The following MAF variants were observed in gnomAD, a reference collection of about 807,000 sequenced individuals.
MAF encodes the protein MAF bZIP transcription factor.
MAF carries 10 observed loss-of-function variants against 22.0 expected under a neutral mutation model. The ratio of observed to expected loss-of-function variants is 0.45; its 90% confidence interval spans 0.28 to 0.77. The LOEUF (loss-of-function observed/expected upper bound fraction) is 0.77. Ranked by LOEUF, MAF falls within the 30% of genes least tolerant of loss-of-function variation. MAF has a pLI of 0.12. For synonymous variants in MAF, 337 were observed against 255.8 expected, an observed-to-expected ratio of 1.32 and a Z score of -3.03; for missense variants, 544 against 548.4, an observed-to-expected ratio of 0.99 and a Z score of 0.08.
the MAF span, among the ~76,000 whole-genome samples, chr16:79,416,341 C>G: frequency 2.0e-5 from 3 of 152,112 alleles, no homozygotes; most frequent in Admixed American, 6.5e-5. Flanking sequence ...GTGACAAGCT[C>G]CATGTCAACA....
At chr16:79,398,982 G>T in the MAF span, among the ~76,000 whole-genome samples, 1 of 152,284 alleles carries the variant, frequency 6.6e-6, no homozygotes, top group South Asian at 2.1e-4. Flanking sequence ...TGGACTGTGG[G>T]TTCCAAAGGG....
the MAF span, among the ~76,000 whole-genome samples, chr16:79,558,839 G>T: frequency 1.3e-5 from 2 of 152,126 alleles, no homozygotes; most frequent in Non-Finnish European, 2.9e-5. Flanking sequence ...TTATAATAGG[G>T]GCTCCTGATT....
At chr16:79,436,372 C>T in the MAF span, among the ~76,000 whole-genome samples, 4 of 152,160 alleles carry the variant, frequency 2.6e-5, no homozygotes, top group East Asian at 1.9e-4. Flanking sequence ...TGTGAGCCAC[C>T]GCGTCTGGCT....
chr16:79,364,522 T>A, the MAF span, among the ~76,000 whole-genome samples: 4 of 152,212 alleles, frequency 2.6e-5, no homozygotes, highest in African/African-American at 9.6e-5. Context: ...AGAGTTTGGT[T>A]TTTAATCCAC....
the MAF span, among the ~76,000 whole-genome samples, chr16:79,328,783 C>A: frequency 7.9e-5 from 12 of 152,192 alleles, no homozygotes; most frequent in African/African-American, 2.9e-4. Context: ...CTTTGAAGAA[C>A]TGGTCCTCTC....
chr16:79,288,684 C>A, the MAF span, among the ~76,000 whole-genome samples: 1 of 152,114 alleles, frequency 6.6e-6, no homozygotes, highest in East Asian at 1.9e-4. Context: ...ATTAGGTAAA[C>A]ATGAGGAAAG....
the MAF span, among the ~76,000 whole-genome samples, chr16:79,297,628 A>G: frequency 1.3e-5 from 2 of 152,318 alleles, no homozygotes; most frequent in East Asian, 3.9e-4. Flanking sequence ...ATGATACAGA[A>G]AAGTACTTAG....
the MAF span, among the ~76,000 whole-genome samples, chr16:79,566,545 T>G: frequency 2.6e-5 from 4 of 152,248 alleles, no homozygotes; most frequent in Non-Finnish European, 5.9e-5. Flanking sequence ...GGGTTGATCC[T>G]GGACATGCAT....
At chr16:79,543,788 G>A in the MAF span, among the ~76,000 whole-genome samples, 3 of 151,476 alleles carry the variant, frequency 2.0e-5, no homozygotes, top group South Asian at 2.1e-4. Context: ...CGGGGTTCAC[G>A]GCATTCTCCT....
chr16:79,446,806 T>C, the MAF span, among the ~76,000 whole-genome samples: 2 of 151,700 alleles, frequency 1.3e-5, no homozygotes, highest in Non-Finnish European at 2.9e-5. Context: ...CTACACAGGT[T>C]GCGAGTCAGG....
chr16:79,236,798 A>G, the MAF span, among the ~76,000 whole-genome samples: 4 of 151,972 alleles, frequency 2.6e-5, no homozygotes, highest in Non-Finnish European at 5.9e-5. Context: ...GGAGTTAAAG[A>G]AAAGTGCACG....
the MAF span, among the ~76,000 whole-genome samples, chr16:79,561,809 T>C: frequency 6.6e-6 from 1 of 152,118 alleles, no homozygotes; most frequent in Non-Finnish European, 1.5e-5. Context: ...GACGGTGTGT[T>C]TGGATGTTTG....
the MAF span, among the ~76,000 whole-genome samples, chr16:79,322,063 C>G: frequency 6.6e-6 from 1 of 152,240 alleles, no homozygotes; most frequent in South Asian, 2.1e-4. Context: ...GAAACGCCAT[C>G]TCTACTAAAA....
chr16:79,500,480 A>T, the MAF span, among the ~76,000 whole-genome samples: 8 of 152,232 alleles, frequency 5.3e-5, no homozygotes, highest in Non-Finnish European at 1.2e-4. Flanking sequence ...ATACCCCAGT[A>T]GTTGCTTGTC....
chr16:79,211,231 A>G, the MAF span, among the ~76,000 whole-genome samples: 1 of 152,156 alleles, frequency 6.6e-6, no homozygotes, highest in African/African-American at 2.4e-5. Flanking sequence ...ATCGAATTAC[A>G]TTATACATGG....
the MAF span, among the ~76,000 whole-genome samples, chr16:79,360,148 A>T: frequency 6.6e-6 from 1 of 152,140 alleles, no homozygotes; most frequent in Non-Finnish European, 1.5e-5. Flanking sequence ...TCTTGTCTCC[A>T]TTAGCCACCC....
At chr16:79,344,234 G>C in the MAF span, among the ~76,000 whole-genome samples, 1 of 152,164 alleles carries the variant, frequency 6.6e-6, no homozygotes. Context: ...TTACTTTGCA[G>C]GTGAGGAAAC....
chr16:79,502,953 G>C, the MAF span, among the ~76,000 whole-genome samples: 3 of 151,432 alleles, frequency 2.0e-5, no homozygotes, highest in Non-Finnish European at 4.4e-5. Context: ...ATATAATTAA[G>C]CCTCAATAAT....
the MAF span, among the ~76,000 whole-genome samples, chr16:79,211,234 A>T: frequency 1.3e-5 from 2 of 152,178 alleles, no homozygotes; most frequent in African/African-American, 4.8e-5. Flanking sequence ...GAATTACATT[A>T]TACATGGAGA....
Sources: gnomAD v4.1 joint callset for allele counts (sites outside exome capture counted in the v4.1 genomes callset) on GRCh38, gnomAD v4.1.1 for gene constraint, MANE v1.5 for transcripts, NCBI Gene and HGNC (gene_info 2026-07-23, HGNC 2026-07-21) for gene names.